The following SGSM2 variants were observed in gnomAD, a reference collection of about 807,000 sequenced individuals.
SGSM2 encodes RUN and TBC1 domain containing 1.
A neutral mutation model predicts 126.6 loss-of-function variants in SGSM2; 89 were observed. The ratio of observed to expected loss-of-function variants is 0.70; its 90% CI spans 0.59 to 0.84. SGSM2 has a LOEUF of 0.84. Among genes scored for constraint, SGSM2 ranks in the 40% least tolerant of loss-of-function variants. The pLI is 0.00. For synonymous variants in SGSM2, 614 were observed against 574.3 expected (o/e 1.07, Z -0.99); for missense variants, 1,404 against 1,416.6 (o/e 0.99, Z 0.14).
intron 2 of SGSM2, among the ~76,000 whole-genome samples, chr17:2,352,939 G>A (rs531875298): frequency 4.1e-5 from 6 of 147,830 alleles, no homozygotes; most frequent in African/African-American, 1.0e-4. Flanking sequence ...CACCACGCCC[G>A]GCTAATTTTT....
chr17:2,362,785 G>A lies in SGSM2; in HGVS notation c.459-53G>A, dbSNP rs2065376264. ...ATGTCCCTACCTGGTGAGCTTGACT[G>A]CCCTGGAATGAGCCCCGGAGCCTCG... On this transcript the variant is annotated intron_variant, in intron 4 of 23. Coordinates refer to ENST00000268989, the MANE Select transcript of SGSM2 (RefSeq NM_014853.3). The surrounding 1 kb of genome is among the most constrained non-coding windows in gnomAD (Gnocchi z 4.9). The A allele has an allele frequency of 6.3e-7, 1 of 1,589,738 alleles. No individual in the cohort carries two copies.
At chr17:2,376,299 C>A in intron 19 of SGSM2, 38 bp downstream of exon 19, 1 of 1,611,022 alleles carries the variant, frequency 6.2e-7, no homozygotes, top group Middle Eastern at 1.7e-4. Context: ...GGAGGCGGGA[C>A]CCTGCCGCCA....
intron 11 of SGSM2, among the ~76,000 whole-genome samples, chr17:2,365,677 C>A (rs1414016632): frequency 2.0e-5 from 3 of 151,930 alleles, no homozygotes; most frequent in Non-Finnish European, 2.9e-5. Context: ...GTGGGGAACC[C>A]TCCATTGCTC....
In SGSM2 at chr17:2,362,391, A is replaced by G. The variant is rs12949474; in HGVS notation, c.458+121A>G. The G allele has an allele frequency of 1.0e-6, 1 of 972,364 alleles. No homozygotes were observed. The highest frequency in any genetic ancestry group is 1.4e-6 in the Non-Finnish European group (1 of 695,520). 60.2% of individuals were successfully genotyped at this position (972,364 alleles called of 1,614,324 possible). On this transcript the variant is annotated intron_variant, in intron 4 of 23. Transcript: ENST00000268989. The surrounding 1 kb of genome is among the most constrained non-coding windows in gnomAD (Gnocchi z 4.9). ...CCCCGTTCCCCAAAAACTGCAGGTG[A>G]CCGCCCCGTTCCCCCCAAAACTGCA...
intron 1 of SGSM2, among the ~76,000 whole-genome samples, chr17:2,341,318 A>G (rs2064359427): frequency 6.6e-6 from 1 of 151,978 alleles, no homozygotes; most frequent in African/African-American, 2.4e-5. Flanking sequence ...GGGTTTCACC[A>G]TTTTGGTCAG....
In SGSM2 at chr17:2,365,067, G is replaced by T. The variant is rs1413640635; in HGVS notation, c.1161+10G>T. ...GACCCAGCAAGGGAAGGTAACTCGG[G>T]TGGGAGGCTTTAGGGGAAGGGCTGT... On this transcript the variant is annotated intron_variant, in intron 10 of 23. Coordinates refer to ENST00000268989, the MANE Select transcript of SGSM2 (RefSeq NM_014853.3). The T allele has an allele frequency of 6.2e-7, 1 of 1,610,796 alleles. No individual in the cohort carries two copies. Among genetic ancestry groups the T allele is most frequent in the Non-Finnish European group, 8.5e-7 (1 of 1,178,406 alleles).
chr17:2,376,038 C>G, intron 18 of SGSM2, 99 bp from the exon 19 acceptor site: 1 of 1,578,298 alleles, frequency 6.3e-7, no homozygotes, highest in Non-Finnish European at 8.6e-7. Context: ...GCTCTGGTCT[C>G]TGGGTTCCGT....
At chr17:2,338,134 G>T (rs558365712) in intron 1 of SGSM2, among the ~76,000 whole-genome samples, 1 of 152,218 alleles carries the variant, frequency 6.6e-6, no homozygotes, top group Non-Finnish European at 1.5e-5. Flanking sequence ...GCGCAGGTGG[G>T]TGTCGTGCGG....
At chr17:2,351,252 CAA>C (rs547956009) in intron 2 of SGSM2, among the ~76,000 whole-genome samples, 9 of 135,282 alleles carry the variant, frequency 6.7e-5, no homozygotes, top group Admixed American at 1.5e-4. Flanking sequence ...GACTCAGTCT[CAA>C]AAAAAAAAAA....
In SGSM2 at chr17:2,362,629, G is replaced by A. The variant is rs533128399; in HGVS notation, c.459-209G>A. On this transcript the variant is annotated intron_variant, in intron 4 of 23. Transcript: ENST00000268989. The surrounding 1 kb of genome is among the most constrained non-coding windows in gnomAD (Gnocchi z 4.9). ...GATGCTTGCCTGTCCGTGACAGCCT[G>A]TAGGCAACCCTCCATCTCCCCGTCC... is the stretch of plus-strand genomic sequence containing the variant. 2.8e-4 allele frequency among the ~76,000 whole-genome samples: 43 copies of A among 152,322 alleles called. No individual in the cohort carries two copies. The East Asian group carries it at 7.5e-3, about 27-fold the overall frequency.
At chr17:2,368,029 A>G (rs2065676912) in intron 12 of SGSM2, among the ~76,000 whole-genome samples, 1 of 152,176 alleles carries the variant, frequency 6.6e-6, no homozygotes, top group Non-Finnish European at 1.5e-5. Context: ...GCCTGGCAAC[A>G]TGAACTCCCG....
chr17:2,347,409 ATTTTTTTT>A (rs370675318), intron 2 of SGSM2, among the ~76,000 whole-genome samples: 2 of 131,306 alleles, frequency 1.5e-5, no homozygotes, highest in Admixed American at 7.6e-5. Flanking sequence ...ACCCGGCCTC[ATTTTTTTT>A]TTTTTTTTTT....
chr17:2,367,478 A>G lies in SGSM2; in HGVS notation c.1423+73A>G. On this transcript the variant is annotated intron_variant, in intron 12 of 23. Transcript: ENST00000268989. The surrounding 1 kb of genome is among the most constrained non-coding windows in gnomAD (Gnocchi z 4.0). Reference sequence around the variant, plus strand: ...CCCGGGCCCGCCTGCCACCCACCACAGGGGTTCGAACGGCAGTGTTGGCAT... The same window carrying G: ...CCCGGGCCCGCCTGCCACCCACCACGGGGGTTCGAACGGCAGTGTTGGCAT... 1 of 1,503,420 alleles carries G rather than the reference A, an allele frequency of 6.7e-7. No individual in the cohort carries two copies. The highest frequency in any genetic ancestry group is 9.0e-7 in the Non-Finnish European group (1 of 1,112,386). 93.1% of individuals were successfully genotyped at this position (1,503,420 alleles called of 1,614,324 possible).
rs1328645125 is a variant in SGSM2, at chr17:2,358,136, G to A, written c.134-3501G>A. Among the ~76,000 whole-genome samples the A allele has an allele frequency of 2.6e-5, 4 of 152,336 alleles. No individual in the cohort carries two copies. In the East Asian group the frequency reaches 7.7e-4, roughly 29 times the overall value. ...AGGTGGGGTCACAGTGGGGACCTGGGGAAGGAAGGAGTAAGGGGAGTAAGG... is the reference window on the plus strand; with the variant it reads ...AGGTGGGGTCACAGTGGGGACCTGGAGAAGGAAGGAGTAAGGGGAGTAAGG... On this transcript the variant is annotated intron_variant, in intron 2 of 23. Coordinates refer to ENST00000268989, the MANE Select transcript of SGSM2 (RefSeq NM_014853.3).
Position 2,364,656 on chromosome 17 carries a change from C to A in SGSM2, c.993C>A (p.His331Gln). ...GCCAGGTCGTGTGCATCCACTGCCACCAGCAAAGTAAGCCTGCCTTGTCCT... is the reference window on the plus strand; with the variant it reads ...GCCAGGTCGTGTGCATCCACTGCCAACAGCAAAGTAAGCCTGCCTTGTCCT... ...PFSQVVCIHC[H>Q]QQKSGGTLVL... Residue 331 changes from histidine (H) to glutamine (Q), a missense_variant, in exon 9 of 24, where the codon CAC (histidine) becomes CAA (glutamine). Transcript: ENST00000268989. 1 of 1,614,200 alleles carries A rather than the reference C, an allele frequency of 6.2e-7. No individual in the cohort carries two copies.
intron 1 of SGSM2, among the ~76,000 whole-genome samples, chr17:2,343,075 G>T (rs371113975): frequency 1.3e-5 from 2 of 152,208 alleles, no homozygotes; most frequent in African/African-American, 4.8e-5. Context: ...TGGAAAGAAG[G>T]CTGGGCTTTT....
At chr17:2,340,771 A>C (rs1353960813) in intron 1 of SGSM2, among the ~76,000 whole-genome samples, 1 of 151,820 alleles carries the variant, frequency 6.6e-6, no homozygotes, top group Non-Finnish European at 1.5e-5. Context: ...TTTTTAGTAG[A>C]GACGGGGTTT....
At chr17:2,353,779 G>A (rs1013363188) in intron 2 of SGSM2, among the ~76,000 whole-genome samples, 3 of 149,280 alleles carry the variant, frequency 2.0e-5, no homozygotes, top group African/African-American at 7.4e-5. Flanking sequence ...AAAAAAAAGC[G>A]TGCAGTGAAA....
rs2065896439 is a variant in SGSM2, at chr17:2,372,068, C to G, written c.1578-122C>G. On this transcript the variant is annotated intron_variant, in intron 13 of 23. Coordinates refer to ENST00000268989, the MANE Select transcript of SGSM2 (RefSeq NM_014853.3). This position sits in a 1 kb window ranked among gnomAD's most constrained non-coding sequence, Gnocchi z 6.0. ...CACTGACGGCTGCTGGGCTGCGGCT[C>G]CTCCTCCTCGCACCCTCCCCAGTGC... 1 of 1,140,632 alleles carries G rather than the reference C, an allele frequency of 8.8e-7. No homozygotes were observed. The highest frequency in any genetic ancestry group is 1.5e-5 in the African/African-American group (1 of 65,510). The allele number at this position is 1,140,632 out of a possible 1,614,324, so 70.7% of individuals were successfully genotyped here. A position where few individuals can be genotyped will look rare whatever the true frequency, so the allele number is the denominator to read the frequency against.
Sources: allele counts gnomAD v4.1 joint callset (sites outside exome capture counted in the v4.1 genomes callset), GRCh38; gene constraint gnomAD v4.1.1; non-coding constraint Gnocchi (gnomAD v3.1); transcripts MANE v1.5; gene names NCBI Gene and HGNC (gene_info 2026-07-23, HGNC 2026-07-21).